Variants in MMP16 observed in about 807,000 individuals in gnomAD.
MMP16 encodes the protein matrix metallopeptidase 16, also known as matrix metalloproteinase-16.
MMP16 carries 12 observed loss-of-function variants against 67.8 expected under a neutral mutation model. That is an observed-to-expected ratio of 0.18 (90% confidence interval 0.11 to 0.29). The LOEUF (loss-of-function observed/expected upper bound fraction) is 0.29. Among genes scored for constraint, MMP16 ranks in the 10% least tolerant of loss-of-function variants. MMP16 has a pLI of 1.00. For missense variants in MMP16, 475 were observed against 765.7 expected (o/e 0.62, Z 4.48); for synonymous variants, 249 against 255.9 (o/e 0.97, Z 0.26).
intron 1 of MMP16, among the ~76,000 whole-genome samples, chr8:88,295,543 G>A (rs1282440784): frequency 6.6e-6 from 1 of 152,156 alleles, no homozygotes; most frequent in Non-Finnish European, 1.5e-5. Flanking sequence ...TACTACAGAG[G>A]CTGTATCTTA....
At chr8:88,218,771 G>C (rs994061146) in intron 1 of MMP16, among the ~76,000 whole-genome samples, 1 of 152,090 alleles carries the variant, frequency 6.6e-6, no homozygotes, top group Non-Finnish European at 1.5e-5. Context: ...ACATGCTCAA[G>C]AGAAGCGCTG....
In MMP16 at chr8:88,075,952, C is replaced by CACACACACACACACACAA. The variant is rs1331130853; in HGVS notation, c.1084-1210_1084-1209insTTGTGTGTGTGTGTGTGT. Among the ~76,000 whole-genome samples the CACACACACACACACACAA allele has an allele frequency of 2.7e-5, 4 of 150,872 alleles. No homozygotes were observed. The South Asian group carries it at 8.4e-4, about 32-fold the overall frequency. On this transcript the variant is annotated intron_variant, in intron 6 of 9. Coordinates refer to ENST00000286614, the MANE Select transcript of MMP16 (RefSeq NM_005941.5). ...TCATATATTCATACACACACACACACACACACACACACACACACACACAAA... is the reference window on the plus strand; with the variant it reads ...TCATATATTCATACACACACACACACACACACACACACACACAAACACACACACACACACACACACAAA...
intron 4 of MMP16, among the ~76,000 whole-genome samples, chr8:88,159,823 TGA>T (rs555661644): frequency 6.8e-4 from 104 of 152,286 alleles, no homozygotes; most frequent in African/African-American, 2.3e-3. Context: ...CCTAATTTTT[TGA>T]GAGTTTTTAG....
chr8:88,060,348 C>T (rs1808381404), intron 7 of MMP16, among the ~76,000 whole-genome samples: 1 of 152,014 alleles, frequency 6.6e-6, no homozygotes, highest in Non-Finnish European at 1.5e-5. Flanking sequence ...GTTTTCCTGT[C>T]TCCAGCCAGT....
chr8:88,156,463 C>T (rs954434088), intron 4 of MMP16, among the ~76,000 whole-genome samples: 7 of 151,790 alleles, frequency 4.6e-5, no homozygotes, highest in African/African-American at 1.5e-4. Flanking sequence ...GGGAGGAGGG[C>T]GGGGGTTCTG....
chr8:88,142,412 T>C (rs189044001), intron 4 of MMP16, among the ~76,000 whole-genome samples: 26 of 152,278 alleles, frequency 1.7e-4, no homozygotes, highest in African/African-American at 5.8e-4. Flanking sequence ...ATTGTACATA[T>C]AGCTGCCCAG....
chr8:88,274,341 C>T (rs2129979364), intron 1 of MMP16, among the ~76,000 whole-genome samples: 1 of 152,164 alleles, frequency 6.6e-6, no homozygotes, highest in South Asian at 2.1e-4. Flanking sequence ...TCAATTATTA[C>T]CCAATCCTGC....
intron 1 of MMP16, among the ~76,000 whole-genome samples, chr8:88,321,179 A>G (rs1811454913): frequency 6.6e-6 from 1 of 152,178 alleles, no homozygotes; most frequent in African/African-American, 2.4e-5. Flanking sequence ...GTGGTGAAGA[A>G]CAAAAAAATC....
intron 1 of MMP16, among the ~76,000 whole-genome samples, chr8:88,211,782 A>G (rs535857325): frequency 1.3e-5 from 2 of 152,290 alleles, no homozygotes; most frequent in South Asian, 4.1e-4. Context: ...GGAAAGATTA[A>G]GTATCCCAAA....
At chr8:88,090,188 T>C (rs1006768060) in intron 6 of MMP16, among the ~76,000 whole-genome samples, 10 of 152,050 alleles carry the variant, frequency 6.6e-5, no homozygotes, top group Admixed American at 5.9e-4. Context: ...TGATTTTTAT[T>C]GTGGGGTTGA....
chr8:88,168,457 G>T lies in MMP16; in HGVS notation c.405-484C>A, dbSNP rs569760531. Among the ~76,000 whole-genome samples, 6 of 152,146 alleles carry T rather than the reference G, an allele frequency of 3.9e-5. No individual in the cohort carries two copies. In the South Asian group the frequency reaches 1.2e-3, roughly 32 times the overall value. ...ATATAGTTATTTCTTAATTTGTAACGAAATGATCAAAGAACTACAATTTCT... is the reference window on the plus strand; with the variant it reads ...ATATAGTTATTTCTTAATTTGTAACTAAATGATCAAAGAACTACAATTTCT... On this transcript the variant is annotated intron_variant, in intron 3 of 9. Transcript: ENST00000286614.
rs151186844 is a variant in MMP16, at chr8:88,113,695, C to T, written c.1083+2812G>A. On this transcript the variant is annotated intron_variant, in intron 6 of 9. Transcript: ENST00000286614. Reference sequence around the variant, plus strand: ...GCACTGAAAAACAGAATTCCAGGCTCTGTCCTATGTAAGTGTTCTCATATC... The same window carrying T: ...GCACTGAAAAACAGAATTCCAGGCTTTGTCCTATGTAAGTGTTCTCATATC... Among the ~76,000 whole-genome samples the T allele has an allele frequency of 7.6e-3, 1,158 of 151,998 alleles. 17 individuals carry two copies. The highest frequency in any genetic ancestry group is 0.065 in the Middle Eastern group (19 of 294).
In MMP16 at chr8:88,038,137, A is replaced by G. The variant is rs1808079505; in HGVS notation, c.*3324T>C. On this transcript the variant is annotated 3_prime_UTR_variant, in exon 10 of 10. Transcript: ENST00000286614. This position sits in a 1 kb window ranked among gnomAD's most constrained non-coding sequence, Gnocchi z 4.1. ...GACTTTTTTCCCAAACCTCATGTAG[A>G]AGAGGAGTCAGGAACCATACCCACA... The G allele has an allele frequency of 1.3e-5, 2 of 151,960 alleles. No individual in the cohort carries two copies. The highest frequency in any genetic ancestry group is 2.9e-5 in the Non-Finnish European group (2 of 67,918). 9.4% of individuals were successfully genotyped at this position (151,960 alleles called of 1,614,324 possible).
At chr8:88,215,689 T>C (rs13264048) in intron 1 of MMP16, among the ~76,000 whole-genome samples, 26,495 of 152,128 alleles carry the variant, frequency 0.17, 2,452 homozygotes, top group South Asian at 0.2. Flanking sequence ...CTCCTAAGAA[T>C]AGTGATGACT....
intron 4 of MMP16, among the ~76,000 whole-genome samples, chr8:88,152,367 G>A (rs1808424657): frequency 7.9e-6 from 1 of 125,908 alleles, no homozygotes; most frequent in Admixed American, 8.7e-5. Context: ...CATTTTATGA[G>A]GCCAGCATCA....
intron 1 of MMP16, among the ~76,000 whole-genome samples, chr8:88,280,841 C>A (rs921008711): frequency 3.3e-5 from 5 of 152,138 alleles, no homozygotes; most frequent in Admixed American, 3.3e-4. Context: ...GCTATGATTA[C>A]ACCACTGCAC....
At chr8:88,200,876 C>T (rs1809333089) in intron 1 of MMP16, among the ~76,000 whole-genome samples, 1 of 151,756 alleles carries the variant, frequency 6.6e-6, no homozygotes, top group Admixed American at 6.6e-5. Context: ...CCACTAAGAG[C>T]AAATCTAAGC....
chr8:88,197,773 T>C (rs761485836), intron 1 of MMP16, among the ~76,000 whole-genome samples: 9 of 152,190 alleles, frequency 5.9e-5, no homozygotes, highest in Non-Finnish European at 1.2e-4. Flanking sequence ...AGCTATGACG[T>C]GTAGCATCTT....
intron 8 of MMP16, 46 bp from the exon 9 acceptor site, chr8:88,046,830 T>C: frequency 1.6e-6 from 2 of 1,243,836 alleles, no homozygotes; most frequent in South Asian, 2.7e-5. Flanking sequence ...AACACACATA[T>C]AGGGAAAGAT....
Sources: allele counts gnomAD v4.1 joint callset (sites outside exome capture counted in the v4.1 genomes callset), GRCh38; gene constraint gnomAD v4.1.1; non-coding constraint Gnocchi (gnomAD v3.1); transcripts MANE v1.5; gene names NCBI Gene and HGNC (gene_info 2026-07-23, HGNC 2026-07-21).